Variants in DMRT1 observed in about 807,000 individuals in gnomAD.
The protein encoded by DMRT1 is doublesex- and mab-3-related transcription factor 1.
DMRT1 carries 7 observed loss-of-function variants against 32.3 expected under a neutral mutation model. That is an observed-to-expected ratio of 0.22 (90% CI 0.12 to 0.41). The LOEUF (loss-of-function observed/expected upper bound fraction) is 0.41. Among genes scored for constraint, DMRT1 ranks in the 10% least tolerant of loss-of-function variants. The probability of loss-of-function intolerance (pLI) is 1.00; values close to 1 mark genes in which losing one functional copy is unlikely to be tolerated. For synonymous variants in DMRT1, 278 were observed against 206.1 expected (o/e 1.35, Z -2.99); for missense variants, 625 against 500.5 (o/e 1.25, Z -2.37).
Position 968,451 on chromosome 9 carries a change from C to T in DMRT1, c.*312C>T, listed in dbSNP as rs1387230402. On this transcript the variant is annotated 3_prime_UTR_variant, in exon 5 of 5. Transcript: ENST00000382276. ...TTCAAGTGAAGCCATTTGTGTGCCT[C>T]TAAATGAGTCATCTAATTAGATGTT... 3.5e-6 allele frequency: 1 copy of T among 286,216 alleles called. No homozygotes were observed. The highest frequency in any genetic ancestry group is 6.7e-6 in the Non-Finnish European group (1 of 149,564). 17.7% of individuals were successfully genotyped at this position (286,216 alleles called of 1,614,324 possible).
intron 2 of DMRT1, among the ~76,000 whole-genome samples, chr9:867,544 C>T (rs1271975652): frequency 1.3e-5 from 2 of 152,162 alleles, no homozygotes; most frequent in Non-Finnish European, 2.9e-5. Flanking sequence ...TTCATTTAAT[C>T]TTTACGGCAA....
At chr9:937,046 T>C (rs571034914) in intron 4 of DMRT1, among the ~76,000 whole-genome samples, 1 of 152,328 alleles carries the variant, frequency 6.6e-6, no homozygotes, top group South Asian at 2.1e-4. Context: ...CTACTTTCCA[T>C]CTTTATGAAT....
chr9:891,717 G>C (rs1452473272), intron 2 of DMRT1, among the ~76,000 whole-genome samples: 2 of 151,480 alleles, frequency 1.3e-5, no homozygotes, highest in African/African-American at 4.8e-5. Context: ...GTAGAGACAG[G>C]GTTTCACCGT....
rs921429581 is a variant in DMRT1, at chr9:841,897, C to T, written c.59C>T (p.Pro20Leu). The change falls in exon 1 of 5, where the codon CCC becomes CTC. Residue 20 changes from proline to leucine, a missense_variant. Around this residue, in one of 3 missense-constraint regions of DMRT1, gnomAD observed 201 missense variants for 152.0 expected, o/e 1.32. Transcript: ENST00000382276. ...ACACCGTCGGAAGCCCCTCACGCCC[C>T]CGGGGTACCGCCGCAGGGCAGAGCC... Reference protein sequence around the residue: ...PSTPSEAPHAPGVPPQGRAGG... With the variant: ...PSTPSEAPHALGVPPQGRAGG... The T allele has an allele frequency of 1.2e-6, 2 of 1,611,762 alleles. No individual in the cohort carries two copies. Among genetic ancestry groups the T allele is most frequent in the Non-Finnish European group, 1.7e-6 (2 of 1,179,118 alleles).
intron 4 of DMRT1, among the ~76,000 whole-genome samples, chr9:945,188 C>G (rs191033740): frequency 2.6e-5 from 4 of 152,178 alleles, no homozygotes; most frequent in East Asian, 3.9e-4. Flanking sequence ...GAGTCTTGCT[C>G]TGTTGCCCAG....
In DMRT1 at chr9:940,228, C is replaced by T. The variant is rs928329810; in HGVS notation, c.967+23321C>T. 3.9e-5 allele frequency among the ~76,000 whole-genome samples: 6 copies of T among 152,028 alleles called. No individual in the cohort carries two copies. The South Asian group carries it at 1.0e-3, about 26-fold the overall frequency. On this transcript the variant is annotated intron_variant, in intron 4 of 4. Transcript: ENST00000382276. ...ACTTCTAGATATATATCCAGAAGAA[C>T]TGAAAGCAGGTACTCACACAGATAC...
chr9:897,514 C>T (rs1181769009), intron 3 of DMRT1, among the ~76,000 whole-genome samples: 2 of 151,728 alleles, frequency 1.3e-5, no homozygotes, highest in African/African-American at 2.4e-5. Context: ...GAGATGGGAG[C>T]CCGGGAGTTG....
intron 4 of DMRT1, among the ~76,000 whole-genome samples, chr9:937,152 TC>T (rs1251519224): frequency 6.6e-6 from 1 of 152,238 alleles, no homozygotes; most frequent in Non-Finnish European, 1.5e-5. Context: ...TCAAGGTTCA[TC>T]CATGTTGTGG....
intron 2 of DMRT1, among the ~76,000 whole-genome samples, chr9:867,868 C>T (rs1291542698): frequency 6.6e-6 from 1 of 152,202 alleles, no homozygotes; most frequent in African/African-American, 2.4e-5. Context: ...TCTGTAAGTG[C>T]TGTGTTATTA....
At chr9:845,648 C>A (rs1477225664) in intron 1 of DMRT1, among the ~76,000 whole-genome samples, 1 of 152,156 alleles carries the variant, frequency 6.6e-6, no homozygotes, top group African/African-American at 2.4e-5. Context: ...CCCTTCCTCC[C>A]TGCCTTCAGC....
rs573886620 is a variant in DMRT1 at position 893,917 on chromosome 9, C to T, written c.544C>T (p.Arg182Cys). The change falls in exon 3 of 5, where the codon CGT (arginine) becomes TGT (cysteine). Residue 182 changes from arginine to cysteine, a missense_variant. Arg to Cys is a radical substitution (Grantham distance 180, BLOSUM62 -3). Transcript: ENST00000382276. Reference protein sequence around the residue: ...SVPTTAASEGRMVIQDIPAVT... With the variant: ...SVPTTAASEGCMVIQDIPAVT... ...TCTTTTTTCTTCCAATTTAGAGGGA[C>T]GTATGGTCATCCAGGATATTCCTGC... 8 of 1,613,860 alleles carry T rather than the reference C, an allele frequency of 5.0e-6. No homozygotes were observed. Among genetic ancestry groups the T allele is most frequent in the South Asian group, 1.1e-5 (1 of 91,082 alleles).
At chr9:958,961 C>G (rs968344353) in intron 4 of DMRT1, among the ~76,000 whole-genome samples, 2 of 152,216 alleles carry the variant, frequency 1.3e-5, no homozygotes, top group Admixed American at 6.5e-5. Flanking sequence ...TTCCATCACA[C>G]CTTACCCTTT....
At chr9:842,270 G>A (rs1208553045) in intron 1 of DMRT1, 78 bp downstream of exon 1, 13 of 1,474,426 alleles carry the variant, frequency 8.8e-6, no homozygotes, top group African/African-American at 1.7e-5. Flanking sequence ...AGTCTCGCTC[G>A]GTTGCCCAGG....
At chr9:848,549 T>A (rs1839003538) in intron 2 of DMRT1, among the ~76,000 whole-genome samples, 1 of 115,898 alleles carries the variant, frequency 8.6e-6, no homozygotes, top group African/African-American at 3.1e-5. Flanking sequence ...TTTTGTTTCC[T>A]TTCTTTTTTT....
intron 2 of DMRT1, among the ~76,000 whole-genome samples, chr9:892,527 C>G (rs980348418): frequency 7.9e-5 from 12 of 152,152 alleles, no homozygotes; most frequent in African/African-American, 2.7e-4. Context: ...TTTCATCCCC[C>G]ACATGTCCCT....
intron 4 of DMRT1, among the ~76,000 whole-genome samples, chr9:945,284 G>T (rs113610253): frequency 6.6e-6 from 1 of 152,106 alleles, no homozygotes; most frequent in Non-Finnish European, 1.5e-5. Context: ...CTTTTGAGTA[G>T]CTGGGATTAC....
chr9:947,489 C>A (rs940228064), intron 4 of DMRT1, among the ~76,000 whole-genome samples: 1 of 152,200 alleles, frequency 6.6e-6, no homozygotes, highest in Non-Finnish European at 1.5e-5. Context: ...TTGTTTTGTA[C>A]TCCATTTATT....
chr9:927,138 C>G (rs1818552023), intron 4 of DMRT1, among the ~76,000 whole-genome samples: 1 of 152,184 alleles, frequency 6.6e-6, no homozygotes, highest in Admixed American at 6.5e-5. Flanking sequence ...TTTATTTTCC[C>G]TGCTTGCCTC....
intron 2 of DMRT1, among the ~76,000 whole-genome samples, chr9:858,582 T>A (rs539920390): frequency 2.0e-4 from 31 of 152,220 alleles, no homozygotes; most frequent in African/African-American, 6.7e-4. Flanking sequence ...ACTTAAAATT[T>A]ATCATTTTAG....
Sources: allele counts gnomAD v4.1 joint callset (sites outside exome capture counted in the v4.1 genomes callset), GRCh38; gene constraint gnomAD v4.1.1; regional missense constraint gnomAD v4.1.1; transcripts MANE v1.5; gene names NCBI Gene and HGNC (gene_info 2026-07-23, HGNC 2026-07-21).